Variants in SETD3 observed in about 807,000 individuals in gnomAD.
SETD3 encodes actin-histidine N-methyltransferase.
SETD3 carries 19 observed loss-of-function variants against 63.0 expected under a neutral mutation model. That is an observed-to-expected ratio of 0.30 (90% CI 0.21 to 0.44). SETD3 has a LOEUF of 0.44. Among genes scored for constraint, SETD3 ranks in the 20% least tolerant of loss-of-function variants. The probability of loss-of-function intolerance (pLI) is 1.00; values close to 1 mark genes in which losing one functional copy is unlikely to be tolerated. For missense variants in SETD3, 587 were observed against 728.5 expected (o/e 0.81, Z 2.24); for synonymous variants, 286 against 264.1 (o/e 1.08, Z -0.80).
intron 6 of SETD3, among the ~76,000 whole-genome samples, chr14:99,455,209 AG>A (rs1894690042): frequency 6.6e-6 from 1 of 152,212 alleles, no homozygotes; most frequent in South Asian, 2.1e-4. Flanking sequence ...TACCCGGCCC[AG>A]GGGCCAGGGT....
rs889357438 is a variant in SETD3 at position 99,397,863 on chromosome 14, C to T, written c.*816G>A. The T allele has an allele frequency of 1.3e-5, 2 of 152,570 alleles. No individual in the cohort carries two copies. Among genetic ancestry groups the T allele is most frequent in the Non-Finnish European group, 2.9e-5 (2 of 68,032 alleles). 9.5% of individuals were successfully genotyped at this position (152,570 alleles called of 1,614,324 possible). On this transcript the variant is annotated 3_prime_UTR_variant, in exon 13 of 13. Coordinates refer to ENST00000331768, the MANE Select transcript of SETD3 (RefSeq NM_032233.3). ...AGCTGCCTCACACTGCACACCACCA[C>T]GTGAAGCTGTGGGCCGCTGTGTGTT...
chr14:99,439,664 T>C (rs1893682453), intron 6 of SETD3, among the ~76,000 whole-genome samples: 1 of 147,908 alleles, frequency 6.8e-6, no homozygotes, highest in African/African-American at 2.5e-5. Flanking sequence ...TATGTAAGTA[T>C]ATATAATACA....
At chr14:99,427,905 T>A (rs1032979248) in intron 6 of SETD3, among the ~76,000 whole-genome samples, 4 of 152,086 alleles carry the variant, frequency 2.6e-5, no homozygotes, top group Non-Finnish European at 5.9e-5. Flanking sequence ...GGAGGTGGCA[T>A]GCGAGTTAAG....
At chr14:99,405,448 G>A (rs1362065424) in intron 9 of SETD3, 77 bp from the exon 10 acceptor site, 2 of 1,440,284 alleles carry the variant, frequency 1.4e-6, no homozygotes, top group East Asian at 4.6e-5. Context: ...CAGGGCAGAG[G>A]CTTAGTGCTA....
At chr14:99,476,300 T>A (rs1228605296) in intron 1 of SETD3, among the ~76,000 whole-genome samples, 1 of 152,222 alleles carries the variant, frequency 6.6e-6, no homozygotes, top group Non-Finnish European at 1.5e-5. Context: ...GCTCCAAAGG[T>A]TCACTGTTAT....
rs1895046411 is a variant in SETD3, at chr14:99,461,236, A to T, written c.301T>A (p.Phe101Ile). ...CTCAAACCAAAGCCCTCTTCTTTGA[A>T]GTTAACCATTTCAAAACCCTCGACA... is the stretch of plus-strand genomic sequence containing the variant. ...ASVEGFEMVN[F>I]KEEGFGLRAT... Residue 101 changes from phenylalanine to isoleucine, a missense_variant, in exon 4 of 13, where the codon TTC (phenylalanine) becomes ATC (isoleucine). By Grantham distance (21) the Phe-to-Ile change is conservative. Coordinates refer to ENST00000331768, the MANE Select transcript of SETD3 (RefSeq NM_032233.3). 7 of 1,614,194 alleles carry T rather than the reference A, an allele frequency of 4.3e-6. No individual in the cohort carries two copies. The highest frequency in any genetic ancestry group is 1.3e-5 in the African/African-American group (1 of 75,044).
At chr14:99,439,793 TATAA>T (rs1283797394) in intron 6 of SETD3, among the ~76,000 whole-genome samples, 1 of 151,436 alleles carries the variant, frequency 6.6e-6, no homozygotes, top group Non-Finnish European at 1.5e-5. Flanking sequence ...TATTTATATG[TATAA>T]ATATTCTTTT....
chr14:99,404,400 T>C (rs1213206893), intron 10 of SETD3, 90 bp from the exon 11 acceptor site: 6 of 1,173,198 alleles, frequency 5.1e-6, no homozygotes, highest in South Asian at 1.3e-5. Flanking sequence ...GCACGTGTGG[T>C]TGTCCTCAAG....
intron 12 of SETD3, 81 bp from the exon 13 acceptor site, chr14:99,399,206 G>T: frequency 8.0e-7 from 1 of 1,248,830 alleles, no homozygotes; most frequent in Non-Finnish European, 1.1e-6. Context: ...GGCTGGGGAT[G>T]GGGACATGAG....
chr14:99,439,050 G>A (rs1443779635), intron 6 of SETD3, among the ~76,000 whole-genome samples: 1 of 152,252 alleles, frequency 6.6e-6, no homozygotes, highest in Non-Finnish European at 1.5e-5. Context: ...GAGCATCCGA[G>A]TGGCTTCAGC....
At chr14:99,462,044 G>C (rs1895094069) in intron 3 of SETD3, among the ~76,000 whole-genome samples, 1 of 152,182 alleles carries the variant, frequency 6.6e-6, no homozygotes, top group South Asian at 2.1e-4. Flanking sequence ...TGCAAGGAGG[G>C]AGGGAATGGA....
intron 6 of SETD3, among the ~76,000 whole-genome samples, chr14:99,451,341 A>C (rs1001684156): frequency 6.6e-6 from 1 of 152,176 alleles, no homozygotes; most frequent in Admixed American, 6.5e-5. Context: ...TCTGTTTCAC[A>C]AACTGACATA....
chr14:99,405,443 C>CAG, intron 9 of SETD3, 72 bp from the exon 10 acceptor site: 2 of 1,493,196 alleles, frequency 1.3e-6, no homozygotes, highest in Non-Finnish European at 1.8e-6. Context: ...CAGGGCAGGG[C>CAG]AGAGGCTTAG....
intron 6 of SETD3, among the ~76,000 whole-genome samples, chr14:99,437,274 C>G (rs1195154546): frequency 6.6e-6 from 1 of 152,168 alleles, no homozygotes; most frequent in East Asian, 1.9e-4. Flanking sequence ...TGCCACCTCC[C>G]TGTGCACACC....
intron 6 of SETD3, among the ~76,000 whole-genome samples, chr14:99,455,832 G>A (rs1355349415): frequency 6.6e-6 from 1 of 152,142 alleles, no homozygotes; most frequent in South Asian, 2.1e-4. Flanking sequence ...AGATGCCAGT[G>A]GTACCCCACA....
chr14:99,421,650 G>A (rs973112446), intron 6 of SETD3, among the ~76,000 whole-genome samples: 4 of 152,098 alleles, frequency 2.6e-5, no homozygotes, highest in Non-Finnish European at 4.4e-5. Context: ...TTTGCTGAGC[G>A]CTCTGTGCCG....
chr14:99,450,524 G>C (rs1228986962), intron 6 of SETD3, among the ~76,000 whole-genome samples: 1 of 152,198 alleles, frequency 6.6e-6, no homozygotes, highest in Non-Finnish European at 1.5e-5. Context: ...ATGGCTGCTT[G>C]TCTCTTCTGC....
At chr14:99,428,137 T>C (rs1004730856) in intron 6 of SETD3, among the ~76,000 whole-genome samples, 4 of 152,234 alleles carry the variant, frequency 2.6e-5, no homozygotes, top group African/African-American at 9.6e-5. Context: ...GGCAGGAGCA[T>C]TAGAGTATTA....
chr14:99,404,844 A>G (rs77115778), intron 10 of SETD3, among the ~76,000 whole-genome samples: 3,735 of 152,306 alleles, frequency 0.025, 153 homozygotes, highest in African/African-American at 0.085. Context: ...ACTGAGGATC[A>G]TGACTTCATT....
Sources: allele counts gnomAD v4.1 joint callset (sites outside exome capture counted in the v4.1 genomes callset), GRCh38; gene constraint gnomAD v4.1.1; transcripts MANE v1.5; gene names NCBI Gene and HGNC (gene_info 2026-07-23, HGNC 2026-07-21).